GSDMC: variants seen among roughly 807,000 people sequenced by gnomAD.
GSDMC encodes the protein gasdermin C.
In GSDMC, 59 loss-of-function variants were observed where a neutral mutation model predicts 58.0. The observed-to-expected ratio is 1.02, with a 90% CI of 0.82 to 1.26. The LOEUF (loss-of-function observed/expected upper bound fraction) is 1.26, where lower values mean the gene tolerates loss of function less well. Ranked by LOEUF, GSDMC falls within the 50% of genes most tolerant of loss-of-function variation. The probability of loss-of-function intolerance (pLI) is 0.00; values close to 1 mark genes in which losing one functional copy is unlikely to be tolerated. For synonymous variants in GSDMC, 241 were observed against 220.2 expected (o/e 1.09, Z -0.83); for missense variants, 659 against 598.5 (o/e 1.10, Z -1.06).
At chr8:129,781,050 A>G (rs116128081) in intron 1 of GSDMC, among the ~76,000 whole-genome samples, 2,174 of 152,328 alleles carry the variant, frequency 0.014, 61 homozygotes, top group African/African-American at 0.049. Flanking sequence ...TAAGCAAAAA[A>G]TGAAAAGCAA....
the GSDMC span, among the ~76,000 whole-genome samples, chr8:129,720,926 G>A: frequency 1.3e-5 from 2 of 152,212 alleles, no homozygotes; most frequent in Non-Finnish European, 2.9e-5. Flanking sequence ...ATACTGGGAA[G>A]CCCAACCTCA....
At chr8:129,763,414 A>G (rs927760309) in intron 4 of GSDMC, among the ~76,000 whole-genome samples, 5 of 152,206 alleles carry the variant, frequency 3.3e-5, no homozygotes, top group African/African-American at 9.7e-5. Context: ...TCAAGAAACC[A>G]TGCCTTCAGT....
the GSDMC span, among the ~76,000 whole-genome samples, chr8:129,713,678 G>C: frequency 3.3e-5 from 5 of 152,252 alleles, no homozygotes; most frequent in Non-Finnish European, 7.4e-5. Flanking sequence ...TATTTCCATA[G>C]CCAGTAAATA....
chr8:129,733,282 C>T, the GSDMC span, among the ~76,000 whole-genome samples: 5 of 152,336 alleles, frequency 3.3e-5, no homozygotes, highest in African/African-American at 1.2e-4. Context: ...CTTAAACATC[C>T]CTGTCTGACA....
At chr8:129,720,774 T>A in the GSDMC span, among the ~76,000 whole-genome samples, 1 of 152,212 alleles carries the variant, frequency 6.6e-6, no homozygotes, top group Non-Finnish European at 1.5e-5. Flanking sequence ...CTAAAAATCA[T>A]CACAACAAAT....
rs550446533 is a variant in GSDMC, at chr8:129,777,488, G to A, written c.100C>T (p.Arg34Cys). ...TTCTTTCGTAATATAACAAACTGAC[G>A]TAATTTGGTGGCACTCAATAGGTAT... ...VKYLLSATKL[R>C]QFVILRKKKD... The change falls in exon 2 of 14, where the codon CGT (arginine) becomes TGT (cysteine). Residue 34 changes from arginine (R) to cysteine (C), a missense_variant. By Grantham distance (180) the Arg-to-Cys change is radical. Coordinates refer to ENST00000276708, the MANE Select transcript of GSDMC (RefSeq NM_031415.3). The A allele has an allele frequency of 9.9e-6, 16 of 1,612,472 alleles. No homozygotes were observed. The highest frequency in any genetic ancestry group is 4.5e-5 in the East Asian group (2 of 44,874).
chr8:129,727,374 T>C, the GSDMC span, among the ~76,000 whole-genome samples: 3 of 152,120 alleles, frequency 2.0e-5, no homozygotes, highest in Admixed American at 2.0e-4. Flanking sequence ...TCCACCAGAA[T>C]TGTGAAGGAC....
At chr8:129,779,037 G>A (rs1019096330) in intron 1 of GSDMC, among the ~76,000 whole-genome samples, 46 of 152,280 alleles carry the variant, frequency 3.0e-4, no homozygotes, top group African/African-American at 1.1e-3. Flanking sequence ...CAACCACTGT[G>A]AAAAACAGTT....
the GSDMC span, chr8:129,730,582 T>C: frequency 3.4e-6 from 1 of 291,554 alleles, no homozygotes; most frequent in South Asian, 7.1e-5. Context: ...TCTGAAGTCA[T>C]AGATAATTTA....
intron 6 of GSDMC, among the ~76,000 whole-genome samples, chr8:129,754,297 T>TCC (rs1554631590): frequency 1.5e-5 from 1 of 64,954 alleles, no homozygotes; most frequent in Non-Finnish European, 3.1e-5. Context: ...GGTGGCTCAG[T>TCC]ACAGAGAGAG....
chr8:129,737,102 C>G, the GSDMC span, among the ~76,000 whole-genome samples: 3 of 152,104 alleles, frequency 2.0e-5, no homozygotes, highest in Admixed American at 2.0e-4. Flanking sequence ...AGGACCTCTT[C>G]AAGGAGAACT....
the GSDMC span, among the ~76,000 whole-genome samples, chr8:129,740,660 G>C: frequency 2.0e-5 from 3 of 152,088 alleles, no homozygotes; most frequent in Non-Finnish European, 4.4e-5. Flanking sequence ...TCCCACAACT[G>C]AAACCACCTA....
At chr8:129,724,794 A>G in the GSDMC span, among the ~76,000 whole-genome samples, 2 of 152,180 alleles carry the variant, frequency 1.3e-5, no homozygotes, top group African/African-American at 4.8e-5. Context: ...CTCCTCCCTT[A>G]CTGGGGTGGG....
downstream of GSDMC, among the ~76,000 whole-genome samples, chr8:129,746,534 A>C (rs377568087): frequency 2.2e-4 from 34 of 152,364 alleles, no homozygotes; most frequent in East Asian, 5.4e-3. Flanking sequence ...AATTATTATA[A>C]GAGGAAATTT....
Position 129,752,698 on chromosome 8 carries a change from C to T in GSDMC, c.844G>A (p.Glu282Lys), listed in dbSNP as rs2033259844. The change falls in exon 7 of 14, where the codon GAG becomes AAG. Residue 282 changes from glutamate (E) to lysine (K), a missense_variant and splice_region_variant. Transcript: ENST00000276708. ...ASSNDMKLKP[E>K]LFLTQQFLSG... ...AAAATAAAGTGAGCAATCACAGTAC[C>T]TGGTTTTAACTTCATATCATTGGAT... 1.2e-6 allele frequency: 2 copies of T among 1,613,986 alleles called. No individual in the cohort carries two copies. The highest frequency in any genetic ancestry group is 1.3e-5 in the African/African-American group (1 of 74,922).
At position 129,752,101 on chromosome 8, in the gene GSDMC, C is replaced by T. The variant is rs908387438; in HGVS notation, c.886+5G>A. ...CCTGGAAGGGGAGGGCCAGATTCCA[C>T]TCACTTGGCAAATGCCCGCTCAAAA... On this transcript the variant is annotated splice_donor_5th_base_variant and intron_variant, in intron 8 of 13. Transcript: ENST00000276708. The T allele has an allele frequency of 1.9e-6, 3 of 1,611,842 alleles. No individual in the cohort carries two copies. The highest frequency in any genetic ancestry group is 1.3e-5 in the African/African-American group (1 of 74,872).
At chr8:129,710,071 A>G in the GSDMC span, among the ~76,000 whole-genome samples, 1 of 152,266 alleles carries the variant, frequency 6.6e-6, no homozygotes, top group Non-Finnish European at 1.5e-5. Flanking sequence ...GAATGCAAGC[A>G]TAAATGATAA....
At chr8:129,782,956 C>T (rs138864781) in intron 1 of GSDMC, among the ~76,000 whole-genome samples, 2,169 of 148,944 alleles carry the variant, frequency 0.015, 59 homozygotes, top group African/African-American at 0.052. Context: ...GAAACATCCT[C>T]GACAAAATAC....
At chr8:129,717,545 T>G in the GSDMC span, among the ~76,000 whole-genome samples, 1 of 152,070 alleles carries the variant, frequency 6.6e-6, no homozygotes, top group Admixed American at 6.6e-5. Flanking sequence ...GGAAAAACAT[T>G]CCATGCTCAT....
Sources: gnomAD v4.1 joint callset for allele counts (sites outside exome capture counted in the v4.1 genomes callset) on GRCh38, gnomAD v4.1.1 for gene constraint, MANE v1.5 for transcripts, NCBI Gene and HGNC (gene_info 2026-07-23, HGNC 2026-07-21) for gene names.